Variants in MAPKAPK3 observed in about 807,000 individuals in gnomAD.
MAPKAPK3 encodes MAP kinase-activated protein kinase 3.
MAPKAPK3 carries 35 observed loss-of-function variants against 49.2 expected under a neutral mutation model. That is an observed-to-expected ratio of 0.71 (90% CI 0.54 to 0.94). The LOEUF (loss-of-function observed/expected upper bound fraction) is 0.94. Ranked by LOEUF, MAPKAPK3 falls within the 40% of genes least tolerant of loss-of-function variation. MAPKAPK3 has a pLI of 0.00. For synonymous variants in MAPKAPK3, 178 were observed against 188.7 expected (o/e 0.94, Z 0.46); for missense variants, 398 against 493.1 (o/e 0.81, Z 1.83).
At chr3:50,637,510 C>G (rs921744436) in intron 2 of MAPKAPK3, among the ~76,000 whole-genome samples, 3 of 151,888 alleles carry the variant, frequency 2.0e-5, no homozygotes, top group African/African-American at 7.3e-5. Context: ...TGGCGGGCAC[C>G]TGTAGTCCCA....
chr3:50,617,491 C>T, intron 1 of MAPKAPK3, 23 bp from the exon 2 acceptor site: 1 of 735,358 alleles, frequency 1.4e-6, no homozygotes, highest in South Asian at 1.7e-5. Flanking sequence ...CTGGGCGGGA[C>T]TCACTCTTCC....
chr3:50,640,028 G>A (rs1273050648), intron 2 of MAPKAPK3, among the ~76,000 whole-genome samples: 1 of 152,140 alleles, frequency 6.6e-6, no homozygotes, highest in Non-Finnish European at 1.5e-5. Context: ...GGGTCCCATG[G>A]CTGCTGTGTG....
chr3:50,617,634 C>T lies in MAPKAPK3; in HGVS notation c.69C>T (p.Gly23=), dbSNP rs2032504265. 3 of 1,608,800 alleles carry T rather than the reference C, an allele frequency of 1.9e-6. No individual in the cohort carries two copies. The highest frequency in any genetic ancestry group is 1.7e-6 in the Non-Finnish European group (2 of 1,176,354). ...CGCCAGTTGCACCCGGCGGACCCGG[C>T]TTGGGCGGTGCTCCGGGGGGGCGGC... ...VPPPVAPGGP[G]LGGAPGGRRE... Residue 23 remains glycine, a synonymous_variant, in exon 2 of 11, where the codon GGC becomes GGT. Transcript: ENST00000621469.
chr3:50,646,191 G>A lies in MAPKAPK3; in HGVS notation c.756G>A (p.Pro252=), dbSNP rs936020820. ...FYSNTGQAIS[P]GMKRRIRLGQ... ...CCAACACGGGCCAGGCCATCTCCCC[G>A]GGGATGAAGAGGAGGATTCGCCTGG... The change falls in exon 8 of 11, where the codon CCG becomes CCA. Residue 252 remains proline (P), a synonymous_variant. Coordinates refer to ENST00000621469, the MANE Select transcript of MAPKAPK3 (RefSeq NM_001243925.2). 16 of 1,614,076 alleles carry A rather than the reference G, an allele frequency of 9.9e-6. No individual in the cohort carries two copies. The highest frequency in any genetic ancestry group is 1.7e-4 in the Middle Eastern group (1 of 6,058).
At chr3:50,632,921 T>C (rs1559486275) in intron 2 of MAPKAPK3, among the ~76,000 whole-genome samples, 1 of 152,170 alleles carries the variant, frequency 6.6e-6, no homozygotes, top group East Asian at 1.9e-4. Flanking sequence ...TGTGGGTGGG[T>C]GGACCTGGAT....
At chr3:50,611,768 A>G, upstream of MAPKAPK3, 2 of 1,319,872 alleles carry the variant, frequency 1.5e-6, no homozygotes, top group Non-Finnish European at 9.8e-7. Flanking sequence ...GGCGCAGGAC[A>G]GGGACTGAGA....
chr3:50,622,758 C>T (rs934709888), intron 2 of MAPKAPK3, among the ~76,000 whole-genome samples: 11 of 152,220 alleles, frequency 7.2e-5, no homozygotes, highest in Admixed American at 7.2e-4. Flanking sequence ...CCTCAATAGA[C>T]CTCATGGAGA....
At chr3:50,618,322 G>C (rs1216455883) in intron 2 of MAPKAPK3, among the ~76,000 whole-genome samples, 1 of 152,218 alleles carries the variant, frequency 6.6e-6, no homozygotes, top group Non-Finnish European at 1.5e-5. Context: ...TCAGGAGGCT[G>C]CTGATAGACT....
intron 2 of MAPKAPK3, among the ~76,000 whole-genome samples, chr3:50,620,830 G>C (rs1207169526): frequency 6.6e-6 from 1 of 152,188 alleles, no homozygotes; most frequent in African/African-American, 2.4e-5. Flanking sequence ...GAGGGTGTAT[G>C]GGCCAGGCGG....
At chr3:50,628,084 G>A (rs1266269588) in intron 2 of MAPKAPK3, among the ~76,000 whole-genome samples, 13 of 152,114 alleles carry the variant, frequency 8.5e-5, no homozygotes, top group South Asian at 2.1e-4. Flanking sequence ...ATCTCCCCAC[G>A]CCCACTTCTG....
At chr3:50,611,850 T>C (rs1425243170), upstream of MAPKAPK3, 3 of 625,430 alleles carry the variant, frequency 4.8e-6, no homozygotes, top group Non-Finnish European at 7.4e-6. Flanking sequence ...AGCTGCTGCC[T>C]AATCCTTTGT....
intron 2 of MAPKAPK3, among the ~76,000 whole-genome samples, chr3:50,634,615 A>G (rs567360107): frequency 6.6e-6 from 1 of 151,870 alleles, no homozygotes; most frequent in Non-Finnish European, 1.5e-5. Context: ...CAGCCTTCCA[A>G]GTAGCTGGGA....
At chr3:50,614,351 G>T (rs1247567629), upstream of MAPKAPK3, among the ~76,000 whole-genome samples, 3 of 152,044 alleles carry the variant, frequency 2.0e-5, no homozygotes, top group African/African-American at 7.3e-5. Context: ...CCCAGGGATT[G>T]AACTTACTGC....
intron 2 of MAPKAPK3, among the ~76,000 whole-genome samples, chr3:50,630,217 A>T (rs1173465654): frequency 6.6e-6 from 1 of 152,220 alleles, no homozygotes; most frequent in Non-Finnish European, 1.5e-5. Context: ...CCAGGTGTAG[A>T]TGTCATCATC....
chr3:50,648,158 G>T lies in MAPKAPK3; in HGVS notation c.*112G>T, dbSNP rs1171746926. 55 of 1,174,254 alleles carry T rather than the reference G, an allele frequency of 4.7e-5. No individual in the cohort carries two copies. The highest frequency in any genetic ancestry group is 6.3e-5 in the Non-Finnish European group (53 of 843,856). 72.7% of individuals were successfully genotyped at this position (1,174,254 alleles called of 1,614,324 possible). On this transcript the variant is annotated 3_prime_UTR_variant, in exon 11 of 11. Coordinates refer to ENST00000621469, the MANE Select transcript of MAPKAPK3 (RefSeq NM_001243925.2). Reference sequence around the variant, plus strand: ...ATTCTTTTAACAAAAGGATTATTTTGTTGTGTTTTAATTTGTCACTCGGAA... The same window carrying T: ...ATTCTTTTAACAAAAGGATTATTTTTTTGTGTTTTAATTTGTCACTCGGAA...
At chr3:50,622,508 T>C (rs964923719) in intron 2 of MAPKAPK3, among the ~76,000 whole-genome samples, 1 of 152,196 alleles carries the variant, frequency 6.6e-6, no homozygotes, top group Non-Finnish European at 1.5e-5. Context: ...CAAAGCTCTT[T>C]TATAGCACCT....
chr3:50,622,845 T>G (rs931757547), intron 2 of MAPKAPK3, among the ~76,000 whole-genome samples: 1 of 152,122 alleles, frequency 6.6e-6, no homozygotes, highest in African/African-American at 2.4e-5. Flanking sequence ...CACCTCTGAG[T>G]AGACAGAGGG....
chr3:50,629,909 T>C (rs2032860599), intron 2 of MAPKAPK3, among the ~76,000 whole-genome samples: 1 of 152,222 alleles, frequency 6.6e-6, no homozygotes, highest in Admixed American at 6.5e-5. Context: ...AAATTTGTGT[T>C]GGCTATCCTG....
chr3:50,620,473 A>G (rs1251284092), intron 2 of MAPKAPK3, among the ~76,000 whole-genome samples: 4 of 152,132 alleles, frequency 2.6e-5, no homozygotes, highest in African/African-American at 7.2e-5. Flanking sequence ...CATTTGTCTC[A>G]TGCTCATCCT....
Sources: allele counts gnomAD v4.1 joint callset (sites outside exome capture counted in the v4.1 genomes callset), GRCh38; gene constraint gnomAD v4.1.1; transcripts MANE v1.5; gene names NCBI Gene and HGNC (gene_info 2026-07-23, HGNC 2026-07-21).